Variants in CDH11 observed in about 807,000 individuals in gnomAD.
CDH11 encodes the protein cadherin-11.
In CDH11, 11 loss-of-function variants were observed where a neutral mutation model predicts 67.8. That is an observed-to-expected ratio of 0.16 (90% CI 0.10 to 0.27). The LOEUF (loss-of-function observed/expected upper bound fraction) is 0.27. Ranked by LOEUF, CDH11 falls within the 10% of genes least tolerant of loss-of-function variation. The probability of loss-of-function intolerance (pLI) is 1.00; values close to 1 mark genes in which losing one functional copy is unlikely to be tolerated. For synonymous variants in CDH11, 419 were observed against 400.0 expected, an observed-to-expected ratio of 1.05 and a Z score of -0.57; for missense variants, 847 against 1,031.2, an observed-to-expected ratio of 0.82 and a Z score of 2.45.
At chr16:65,067,998 A>C (rs571845599) in intron 1 of CDH11, among the ~76,000 whole-genome samples, 42 of 46,840 alleles carry the variant, frequency 9.0e-4, no homozygotes, top group African/African-American at 2.3e-3. Context: ...GAGGGAGGGA[A>C]GAAGGGAGGG....
chr16:65,114,674 G>C (rs945888064), intron 1 of CDH11, among the ~76,000 whole-genome samples: 15 of 152,120 alleles, frequency 9.9e-5, no homozygotes, highest in South Asian at 4.2e-4. Flanking sequence ...CGCCAGCCTG[G>C]AGCAAGAACA....
chr16:65,066,120 T>C (rs1328715222), intron 1 of CDH11, among the ~76,000 whole-genome samples: 1 of 152,236 alleles, frequency 6.6e-6, no homozygotes, highest in African/African-American at 2.4e-5. Context: ...AAGCTCCTTC[T>C]AGGAACCCAT....
At chr16:65,082,417 T>C (rs1813384368) in intron 1 of CDH11, among the ~76,000 whole-genome samples, 2 of 152,170 alleles carry the variant, frequency 1.3e-5, no homozygotes, top group African/African-American at 4.8e-5. Flanking sequence ...ATGTGAGGCT[T>C]ATACAAACCA....
intron 2 of CDH11, among the ~76,000 whole-genome samples, chr16:65,029,393 C>G (rs2073596608): frequency 6.6e-6 from 1 of 152,156 alleles, no homozygotes; most frequent in Non-Finnish European, 1.5e-5. Flanking sequence ...AGAAAAGTCT[C>G]TTTCAAATAA....
At chr16:65,055,657 C>T (rs1271823847) in intron 1 of CDH11, among the ~76,000 whole-genome samples, 1 of 152,252 alleles carries the variant, frequency 6.6e-6, no homozygotes, top group East Asian at 1.9e-4. Context: ...TTCACCCATA[C>T]TTATTTAGAT....
In CDH11 at chr16:64,946,915, C is replaced by T. The variant is rs35147; in HGVS notation, c.*688G>A. ...ACATGTCAGAATACTGATATTTATA[C>T]GTATACTAAAATAAGAACTTTAAAA... On this transcript the variant is annotated 3_prime_UTR_variant, in exon 13 of 13. Coordinates refer to ENST00000268603, the MANE Select transcript of CDH11 (RefSeq NM_001797.4). 0.9 allele frequency: 723,084 copies of T among 800,248 alleles called. 326,929 individuals carry two copies. Among genetic ancestry groups the T allele is most frequent in the East Asian group, 1 (14,152 of 14,158 alleles). 49.6% of individuals were successfully genotyped at this position (800,248 alleles called of 1,614,324 possible).
chr16:65,053,576 C>T (rs1484515674), intron 2 of CDH11, among the ~76,000 whole-genome samples: 2 of 152,188 alleles, frequency 1.3e-5, no homozygotes, highest in East Asian at 3.8e-4. Context: ...CTTACTATTA[C>T]TAGCACATAA....
rs201316164 is a variant in CDH11, at chr16:65,004,760, C to T, written c.110G>A (p.Gly37Glu). 5.6e-5 allele frequency: 90 copies of T among 1,612,500 alleles called. No individual in the cohort carries two copies. In the Admixed American group the frequency reaches 8.3e-4, roughly 15 times the overall value. The change falls in exon 3 of 13, where the codon GGG becomes GAG. Residue 37 changes from glycine (G) to glutamate (E), a missense_variant. Physicochemically the swap from Gly to Glu is moderately conservative, Grantham distance 98. Transcript: ENST00000268603. The part of the protein sequence containing the change: ...RRGHLRPSFH[G>E]HHEKGKEGQV... The stretch of plus-strand genomic sequence containing the variant: ...CCCCTCCTTGCCCTTCTCATGGTGC[C>T]CATGGAAGGAGGGCCGCAGGTGCCC...
At position 65,121,761 on chromosome 16, in the gene CDH11, A is replaced by C. The variant is rs1426425918; in HGVS notation, c.-298+119T>G. ...CGTTAGTGAAGCCTTCTCGACTCAGATACCACCGTCCCCCTCACCACCCCG... is the reference window on the plus strand; with the variant it reads ...CGTTAGTGAAGCCTTCTCGACTCAGCTACCACCGTCCCCCTCACCACCCCG... On this transcript the variant is annotated intron_variant, in intron 1 of 12. Coordinates refer to ENST00000268603, the MANE Select transcript of CDH11 (RefSeq NM_001797.4). This position sits in a 1 kb window ranked among gnomAD's most constrained non-coding sequence, Gnocchi z 4.1. The C allele has an allele frequency of 1.4e-6, 1 of 695,844 alleles. No homozygotes were observed. Among genetic ancestry groups the C allele is most frequent in the Non-Finnish European group, 2.6e-6 (1 of 382,632 alleles). 43.1% of individuals were successfully genotyped at this position (695,844 alleles called of 1,614,324 possible). A position where few individuals can be genotyped will look rare whatever the true frequency, so the allele number is the denominator to read the frequency against.
intron 2 of CDH11, among the ~76,000 whole-genome samples, chr16:65,040,843 A>T (rs2073854496): frequency 1.3e-5 from 2 of 152,178 alleles, no homozygotes; most frequent in African/African-American, 4.8e-5. Context: ...TTGGCCACAT[A>T]TGATGTTTTG....
chr16:65,110,241 G>A (rs987294814), intron 1 of CDH11, among the ~76,000 whole-genome samples: 13 of 152,068 alleles, frequency 8.5e-5, no homozygotes, highest in African/African-American at 2.9e-4. Context: ...ATTCTATATG[G>A]CCTTTGAGAA....
intron 2 of CDH11, among the ~76,000 whole-genome samples, chr16:65,036,633 C>A (rs1367103942): frequency 6.6e-6 from 1 of 152,110 alleles, no homozygotes; most frequent in Non-Finnish European, 1.5e-5. Flanking sequence ...AGCCATCCTG[C>A]CTGCAGGATG....
At chr16:65,109,622 C>T (rs534652353) in intron 1 of CDH11, among the ~76,000 whole-genome samples, 38 of 152,268 alleles carry the variant, frequency 2.5e-4, no homozygotes, top group African/African-American at 8.4e-4. Flanking sequence ...CCATCAATGC[C>T]GAGAGTTCCT....
At chr16:64,980,472 G>T (rs1427369747) in intron 8 of CDH11, among the ~76,000 whole-genome samples, 1 of 152,156 alleles carries the variant, frequency 6.6e-6, no homozygotes, top group Non-Finnish European at 1.5e-5. Context: ...AGCCCTGGAA[G>T]AATTCCTATA....
At chr16:65,113,029 T>G (rs2075186023) in intron 1 of CDH11, among the ~76,000 whole-genome samples, 1 of 152,210 alleles carries the variant, frequency 6.6e-6, no homozygotes, top group African/African-American at 2.4e-5. Context: ...GGCTCACGCC[T>G]GTAATCCCAG....
chr16:65,014,966 C>T (rs1409043531), intron 2 of CDH11, among the ~76,000 whole-genome samples: 2 of 151,340 alleles, frequency 1.3e-5, no homozygotes, highest in Non-Finnish European at 2.9e-5. Context: ...AGTGATTCTC[C>T]TGCCTCAGCC....
intron 11 of CDH11, among the ~76,000 whole-genome samples, chr16:64,963,314 G>T (rs748018857): frequency 6.6e-6 from 1 of 152,132 alleles, no homozygotes; most frequent in Non-Finnish European, 1.5e-5. Flanking sequence ...AATAGAGAAT[G>T]CCTTCAAAGG....
intron 1 of CDH11, among the ~76,000 whole-genome samples, chr16:65,120,961 C>A (rs2075317383): frequency 6.6e-6 from 1 of 152,222 alleles, no homozygotes; most frequent in African/African-American, 2.4e-5. Flanking sequence ...TGGCCAGCTT[C>A]TCAGTGCTTC....
intron 2 of CDH11, among the ~76,000 whole-genome samples, chr16:65,047,370 T>A (rs967622898): frequency 6.6e-6 from 1 of 151,866 alleles, no homozygotes. Flanking sequence ...TTTTTTTTTT[T>A]AGATGGAGTC....
Sources: allele counts gnomAD v4.1 joint callset (sites outside exome capture counted in the v4.1 genomes callset), GRCh38; gene constraint gnomAD v4.1.1; non-coding constraint Gnocchi (gnomAD v3.1); transcripts MANE v1.5; gene names NCBI Gene and HGNC (gene_info 2026-07-23, HGNC 2026-07-21).